The following NKAIN3 variants were observed in gnomAD, a reference collection of about 807,000 sequenced individuals.
NKAIN3 encodes sodium/potassium-transporting ATPase subunit beta-1-interacting protein 3.
Under a neutral mutation model 30.2 loss-of-function variants are expected in NKAIN3, and 25 were observed. The observed-to-expected ratio is 0.83, with a 90% CI of 0.60 to 1.16. The LOEUF (loss-of-function observed/expected upper bound fraction) is 1.16, where lower values mean the gene tolerates loss of function less well. Ranked by LOEUF, NKAIN3 falls within the 50% of genes most tolerant of loss-of-function variation. The pLI is 0.00. For missense variants in NKAIN3, 225 were observed against 254.1 expected (o/e 0.89, Z 0.78); for synonymous variants, 91 against 89.6 (o/e 1.02, Z -0.09).
At chr8:62,752,310 T>C (rs976251580) in intron 4 of NKAIN3, among the ~76,000 whole-genome samples, 1 of 152,212 alleles carries the variant, frequency 6.6e-6, no homozygotes, top group Non-Finnish European at 1.5e-5. Context: ...TGCTTGTCCT[T>C]ATCCTATTTA....
At position 62,349,617 on chromosome 8, in the gene NKAIN3, G is replaced by A. The variant is rs1337816981; in HGVS notation, c.54+100490G>A. On this transcript the variant is annotated intron_variant, in intron 1 of 6. Coordinates refer to ENST00000623646, the MANE Select transcript of NKAIN3 (RefSeq NM_001304533.3). ...AGTAAAGCATATGCACGTGGTACAG[G>A]CCTGGGTCCCAGCACACACAGAACA... Among the ~76,000 whole-genome samples, 4 of 152,132 alleles carry A rather than the reference G, an allele frequency of 2.6e-5. No homozygotes were observed. The South Asian group carries it at 6.2e-4, about 24-fold the overall frequency.
At chr8:62,265,729 C>T (rs1273402889) in intron 1 of NKAIN3, among the ~76,000 whole-genome samples, 3 of 152,154 alleles carry the variant, frequency 2.0e-5, no homozygotes, top group Non-Finnish European at 4.4e-5. Flanking sequence ...TTATAGTACA[C>T]ATTTTTATAC....
At chr8:62,881,515 T>C (rs965331698) in intron 4 of NKAIN3, among the ~76,000 whole-genome samples, 1 of 152,200 alleles carries the variant, frequency 6.6e-6, no homozygotes, top group Non-Finnish European at 1.5e-5. Flanking sequence ...AGCAAAAGAA[T>C]AGACAAATAG....
At chr8:62,344,775 A>C (rs1815875104) in intron 1 of NKAIN3, 1 of 372,414 alleles carries the variant, frequency 2.7e-6, no homozygotes, top group Non-Finnish European at 5.3e-6. Context: ...CACTGATAAA[A>C]CTAAGAAATT....
At chr8:62,370,452 A>G (rs995194254) in intron 1 of NKAIN3, among the ~76,000 whole-genome samples, 1 of 152,008 alleles carries the variant, frequency 6.6e-6, no homozygotes, top group African/African-American at 2.4e-5. Context: ...AAAGCATTAA[A>G]AAATCAAACT....
At chr8:62,526,774 G>A (rs965954637) in intron 1 of NKAIN3, among the ~76,000 whole-genome samples, 2 of 152,080 alleles carry the variant, frequency 1.3e-5, no homozygotes, top group African/African-American at 4.8e-5. Context: ...TTAGTAATGG[G>A]TGGAGCACTG....
At chr8:62,898,957 C>A (rs137983123) in intron 4 of NKAIN3, among the ~76,000 whole-genome samples, 2 of 59,998 alleles carry the variant, frequency 3.3e-5, no homozygotes, top group South Asian at 1.7e-3. Flanking sequence ...AACATACAAA[C>A]GGGAAATAGA....
chr8:62,671,095 T>G (rs1460544508), intron 3 of NKAIN3, among the ~76,000 whole-genome samples: 1 of 152,184 alleles, frequency 6.6e-6, no homozygotes, highest in African/African-American at 2.4e-5. Flanking sequence ...TCAGCACTTT[T>G]GAAATGGTTT....
intron 1 of NKAIN3, among the ~76,000 whole-genome samples, chr8:62,390,347 C>G (rs1227339920): frequency 1.3e-5 from 2 of 152,090 alleles, no homozygotes; most frequent in South Asian, 4.2e-4. Context: ...TCTGCCGGCT[C>G]CAACCATGTT....
intron 3 of NKAIN3, among the ~76,000 whole-genome samples, chr8:62,627,875 C>T (rs75426257): frequency 1.8e-3 from 281 of 152,102 alleles, no homozygotes; most frequent in African/African-American, 6.5e-3. Context: ...AACAAGTTCC[C>T]GAATCCAACT....
chr8:62,710,712 C>T (rs1043058988), intron 3 of NKAIN3, among the ~76,000 whole-genome samples: 1 of 152,168 alleles, frequency 6.6e-6, no homozygotes, highest in Non-Finnish European at 1.5e-5. Context: ...AGGACATTTA[C>T]ATTCAATGTT....
At chr8:62,439,382 A>T (rs979879741) in intron 1 of NKAIN3, among the ~76,000 whole-genome samples, 1 of 152,186 alleles carries the variant, frequency 6.6e-6, no homozygotes, top group Non-Finnish European at 1.5e-5. Context: ...CTGCTAGCAT[A>T]ATTTTGATCC....
intron 3 of NKAIN3, among the ~76,000 whole-genome samples, chr8:62,619,698 TA>T (rs111630029): frequency 1.7e-3 from 238 of 141,644 alleles, no homozygotes; most frequent in Middle Eastern, 0.011. Flanking sequence ...TCAAATATTG[TA>T]AAAAAAAAAA....
At chr8:62,685,885 C>T (rs1327558198) in intron 3 of NKAIN3, among the ~76,000 whole-genome samples, 1 of 152,202 alleles carries the variant, frequency 6.6e-6, no homozygotes, top group Non-Finnish European at 1.5e-5. Flanking sequence ...ATCCCATCCC[C>T]TTCCTGTTTT....
chr8:62,595,057 C>G (rs1281911596), intron 3 of NKAIN3, among the ~76,000 whole-genome samples: 1 of 151,880 alleles, frequency 6.6e-6, no homozygotes, highest in African/African-American at 2.4e-5. Context: ...CATGGTTTTT[C>G]TCTCCTGTTT....
intron 4 of NKAIN3, among the ~76,000 whole-genome samples, chr8:62,834,830 T>G (rs1244682991): frequency 6.6e-6 from 1 of 152,206 alleles, no homozygotes; most frequent in East Asian, 1.9e-4. Context: ...CAGAAAAAAC[T>G]ACTCTAAAAT....
At chr8:62,434,823 T>C (rs770514369) in intron 1 of NKAIN3, among the ~76,000 whole-genome samples, 10 of 152,196 alleles carry the variant, frequency 6.6e-5, no homozygotes, top group Non-Finnish European at 1.3e-4. Flanking sequence ...AAATTAACTA[T>C]GCACTTGTAA....
chr8:62,926,582 C>A (rs2130866381), intron 5 of NKAIN3, among the ~76,000 whole-genome samples: 1 of 152,338 alleles, frequency 6.6e-6, no homozygotes, highest in East Asian at 1.9e-4. Context: ...CGCAGATCAC[C>A]CTAGCCTCAT....
chr8:62,406,976 A>T (rs1804090945), intron 1 of NKAIN3, among the ~76,000 whole-genome samples: 1 of 152,190 alleles, frequency 6.6e-6, no homozygotes, highest in Non-Finnish European at 1.5e-5. Flanking sequence ...AATTAGCCAC[A>T]ATGCTGATAC....
Sources: gnomAD v4.1 joint callset for allele counts (sites outside exome capture counted in the v4.1 genomes callset) on GRCh38, gnomAD v4.1.1 for gene constraint, MANE v1.5 for transcripts, NCBI Gene and HGNC (gene_info 2026-07-23, HGNC 2026-07-21) for gene names.